ATP13A3: variants seen among roughly 807,000 people sequenced by gnomAD.
ATP13A3 encodes the protein ATPase 13A3.
Under a neutral mutation model 158.1 loss-of-function variants are expected in ATP13A3, and 59 were observed. The ratio of observed to expected loss-of-function variants is 0.37; its 90% confidence interval spans 0.30 to 0.46. The LOEUF (loss-of-function observed/expected upper bound fraction) is 0.46, where lower values mean the gene tolerates loss of function less well. ATP13A3 is among the 20% of genes least tolerant of loss of function. ATP13A3 has a pLI of 1.00. For missense variants in ATP13A3, 1,166 were observed against 1,525.2 expected, an observed-to-expected ratio of 0.76 and a Z score of 3.92; for synonymous variants, 491 against 504.3, an observed-to-expected ratio of 0.97 and a Z score of 0.35.
At position 194,471,645 on chromosome 3, in the gene ATP13A3, C is replaced by T. The variant is rs183987180; in HGVS notation, c.-46-9409G>A. On this transcript the variant is annotated intron_variant, in intron 2 of 33. Transcript: ENST00000645319. Reference sequence around the variant, plus strand: ...CTGGGATTACAGGCGTGAGCTACCACGCCCAGCCCTAAATTATTTTTATCA... The same window carrying T: ...CTGGGATTACAGGCGTGAGCTACCATGCCCAGCCCTAAATTATTTTTATCA... Among the ~76,000 whole-genome samples, 169 of 152,330 alleles carry T rather than the reference C, an allele frequency of 1.1e-3. 1 individual carries two copies. Among genetic ancestry groups the T allele is most frequent in the African/African-American group, 4.0e-3 (165 of 41,576 alleles).
At chr3:194,451,249 T>C (rs1250194361) in intron 10 of ATP13A3, 1 of 152,222 alleles carries the variant, frequency 6.6e-6, no homozygotes, top group East Asian at 1.9e-4. Flanking sequence ...ATATTATCGA[T>C]CTTCGTTTTA....
At position 194,437,183 on chromosome 3, in the gene ATP13A3, A is replaced by T; in HGVS notation, c.2032T>A (p.Phe678Ile). The change falls in exon 20 of 34, where the codon TTC (phenylalanine) becomes ATC (isoleucine). Residue 678 changes from phenylalanine to isoleucine, a missense_variant. Transcript: ENST00000645319. ...ATCACACGGAAGCCCTGTTTAGTGA[A>T]GTCTTCCAAAACGTTTTGAAAATCG... ...PVDFQNVLED[F>I]TKQGFRVIAL... The T allele has an allele frequency of 1.2e-6, 2 of 1,614,054 alleles. No homozygotes were observed. Among genetic ancestry groups the T allele is most frequent in the Non-Finnish European group, 1.7e-6 (2 of 1,179,916 alleles).
rs558735957 is a variant in ATP13A3 at position 194,424,108 on chromosome 3, G to A, written c.3313+1234C>T. On this transcript the variant is annotated intron_variant, in intron 30 of 33. Coordinates refer to ENST00000645319, the MANE Select transcript of ATP13A3 (RefSeq NM_001367549.1). Reference sequence around the variant, plus strand: ...TAAAAAATCCTTTTAGAAATACCGTGGCAAACCTTCCATGGAAGGTTTTTC... The same window carrying A: ...TAAAAAATCCTTTTAGAAATACCGTAGCAAACCTTCCATGGAAGGTTTTTC... Among the ~76,000 whole-genome samples the A allele has an allele frequency of 5.3e-5, 8 of 151,768 alleles. No individual in the cohort carries two copies. In the South Asian group the frequency reaches 1.5e-3, roughly 28 times the overall value.
intron 31 of ATP13A3, among the ~76,000 whole-genome samples, chr3:194,415,329 C>T (rs1715753211): frequency 1.3e-5 from 2 of 152,068 alleles, no homozygotes; most frequent in East Asian, 1.9e-4. Context: ...AGTTGACGAA[C>T]GTGTGGGAGG....
At position 194,430,187 on chromosome 3, in the gene ATP13A3, A is replaced by C. The variant is rs1376384584; in HGVS notation, c.2668-6T>G. 1.9e-6 allele frequency: 3 copies of C among 1,613,648 alleles called. No homozygotes were observed. The highest frequency in any genetic ancestry group is 2.7e-5 in the African/African-American group (2 of 74,906). On this transcript the variant is annotated splice_region_variant and splice_polypyrimidine_tract_variant and intron_variant, in intron 25 of 33. Transcript: ENST00000645319. ...CCGTGTGCCCTCTTCAAAGCCTAAT[A>C]ATTTTAAGAAAACTGGTTAAGTTTT...
intron 2 of ATP13A3, among the ~76,000 whole-genome samples, chr3:194,483,973 A>G (rs1227182527): frequency 6.6e-6 from 1 of 152,230 alleles, no homozygotes; most frequent in Non-Finnish European, 1.5e-5. Context: ...ATGGAATAGG[A>G]GTTGGCAGCT....
rs1577014328 is a variant in ATP13A3 at position 194,403,306 on chromosome 3, A to C, written c.*2613T>G. On this transcript the variant is annotated 3_prime_UTR_variant, in exon 34 of 34. Transcript: ENST00000645319. ...ATTTCAGGATTATAAAACTACTATA[A>C]AAGTATTTATTCTGTTGTTGGCTTA... The C allele has an allele frequency of 6.6e-6, 1 of 152,320 alleles. No individual in the cohort carries two copies. Among genetic ancestry groups the C allele is most frequent in the Non-Finnish European group, 1.5e-5 (1 of 68,016 alleles). The allele number at this position is 152,320 out of a possible 1,614,324, so 9.4% of individuals were successfully genotyped here.
Position 194,446,954 on chromosome 3 carries a change from T to A in ATP13A3, c.1470A>T (p.Gly490=), listed in dbSNP as rs932242671. ...TGTCAAAGCAAACAAGATTGAGCTG[T>A]CCACAAATATTTATTCTTTGAGGAC... ...CISPQRINIC[G]QLNLVCFDKT... is the part of the protein sequence containing the mutation. The change falls in exon 14 of 34, where the codon GGA becomes GGT. Residue 490 remains glycine (G), a synonymous_variant. Transcript: ENST00000645319. 6.2e-7 allele frequency: 1 copy of A among 1,612,358 alleles called. No homozygotes were observed. The highest frequency in any genetic ancestry group is 1.1e-5 in the South Asian group (1 of 90,488).
intron 22 of ATP13A3, 60 bp from the exon 23 acceptor site, chr3:194,431,286 A>G (rs1382818733): frequency 2.0e-6 from 3 of 1,495,986 alleles, no homozygotes; most frequent in Non-Finnish European, 2.7e-6. Flanking sequence ...AAACAATTCT[A>G]TTTTAAACAT....
chr3:194,441,669 G>C (rs1415805948), intron 15 of ATP13A3, among the ~76,000 whole-genome samples: 1 of 151,982 alleles, frequency 6.6e-6, no homozygotes, highest in Non-Finnish European at 1.5e-5. Flanking sequence ...GCTGCTGGGG[G>C]GATGAAGGGA....
intron 10 of ATP13A3, chr3:194,451,275 C>T (rs1718789804): frequency 6.6e-6 from 1 of 152,154 alleles, no homozygotes; most frequent in Non-Finnish European, 1.5e-5. Context: ...AAGATCCCTT[C>T]TTTTAAAAAT....
Position 194,404,282 on chromosome 3 carries a change from C to T in ATP13A3, c.*1637G>A, listed in dbSNP as rs145772393. ...ATGGAAAACTTCGATTATATTTTTG[C>T]AGGAATCATCAGTGGCAATAGCAGT... On this transcript the variant is annotated 3_prime_UTR_variant, in exon 34 of 34. Transcript: ENST00000645319. 549 of 335,172 alleles carry T rather than the reference C, an allele frequency of 1.6e-3. 7 individuals carry two copies. The highest frequency in any genetic ancestry group is 0.016 in the Admixed American group (325 of 20,834). 20.8% of individuals were successfully genotyped at this position (335,172 alleles called of 1,614,324 possible).
chr3:194,462,252 G>A lies in ATP13A3; in HGVS notation c.-46-16C>T. The A allele has an allele frequency of 6.9e-7, 1 of 1,456,144 alleles. No homozygotes were observed. Among genetic ancestry groups the A allele is most frequent in the Non-Finnish European group, 9.6e-7 (1 of 1,037,906 alleles). 90.2% of individuals were successfully genotyped at this position (1,456,144 alleles called of 1,614,324 possible). ...TGGAAGATCACTGAGGGAAGAAAGG[G>A]AACAGACGTTAGGGAACTATCTTCT... On this transcript the variant is annotated splice_polypyrimidine_tract_variant and intron_variant, in intron 2 of 33. Coordinates refer to ENST00000645319, the MANE Select transcript of ATP13A3 (RefSeq NM_001367549.1).
At chr3:194,417,954 C>CGGATGGAAGGAA (rs1491273681) in intron 31 of ATP13A3, among the ~76,000 whole-genome samples, 1 of 77,904 alleles carries the variant, frequency 1.3e-5, no homozygotes, top group Non-Finnish European at 2.1e-5. Flanking sequence ...GACAGACGGA[C>CGGATGGAAGGAA]GGACGGAAGG....
intron 24 of ATP13A3, 109 bp from the exon 25 acceptor site, chr3:194,430,424 T>C: frequency 8.4e-7 from 1 of 1,188,042 alleles, no homozygotes; most frequent in Non-Finnish European, 1.2e-6. Flanking sequence ...CACACCAAGA[T>C]TCCCCCAGTG....
upstream of ATP13A3, chr3:194,487,150 G>A (rs373514297): frequency 6.6e-5 from 10 of 152,104 alleles, no homozygotes; most frequent in Admixed American, 4.6e-4. Flanking sequence ...ACCCTCGAAC[G>A]GGCAAAAGAA....
chr3:194,493,765 G>T (rs1406438669), intron 2 of ATP13A3, among the ~76,000 whole-genome samples: 1 of 151,956 alleles, frequency 6.6e-6, no homozygotes, highest in Non-Finnish European at 1.5e-5. Flanking sequence ...TTTTCCTAAG[G>T]TTCTGAATAC....
intron 2 of ATP13A3, among the ~76,000 whole-genome samples, chr3:194,472,903 G>T (rs775439784): frequency 2.6e-5 from 4 of 152,102 alleles, no homozygotes; most frequent in Non-Finnish European, 5.9e-5. Context: ...TGCAGAAACA[G>T]AAAACCAAAT....
chr3:194,469,527 T>C (rs980869206), intron 2 of ATP13A3, among the ~76,000 whole-genome samples: 2 of 152,174 alleles, frequency 1.3e-5, no homozygotes, highest in Non-Finnish European at 2.9e-5. Context: ...AATTTCTCAA[T>C]GGTGTTTAAG....
Sources: allele counts gnomAD v4.1 joint callset (sites outside exome capture counted in the v4.1 genomes callset), GRCh38; gene constraint gnomAD v4.1.1; transcripts MANE v1.5; gene names NCBI Gene and HGNC (gene_info 2026-07-23, HGNC 2026-07-21).